ANKFN1: variants seen among roughly 807,000 people sequenced by gnomAD.
The protein encoded by ANKFN1 is ankyrin repeat and fibronectin type III domain containing 1, also known as ankyrin repeat and fibronectin type-III domain-containing protein 1.
Under a neutral mutation model 108.7 loss-of-function variants are expected in ANKFN1, and 74 were observed. That is an observed-to-expected ratio of 0.68 (90% CI 0.56 to 0.83). The LOEUF (loss-of-function observed/expected upper bound fraction) is 0.83, where lower values mean the gene tolerates loss of function less well. ANKFN1 is among the 40% of genes least tolerant of loss of function. ANKFN1 has a pLI of 0.00. For synonymous variants in ANKFN1, 547 were observed against 516.2 expected, an observed-to-expected ratio of 1.06 and a Z score of -0.81; for missense variants, 1,505 against 1,382.3, an observed-to-expected ratio of 1.09 and a Z score of -1.41.
At chr17:56,290,297 T>C (rs2044325776) in intron 3 of ANKFN1, among the ~76,000 whole-genome samples, 1 of 152,194 alleles carries the variant, frequency 6.6e-6, no homozygotes, top group South Asian at 2.1e-4. Flanking sequence ...CCCAGCAATT[T>C]AAACAGGAAC....
chr17:56,227,029 G>A (rs1418047195), intron 2 of ANKFN1, among the ~76,000 whole-genome samples: 5 of 152,104 alleles, frequency 3.3e-5, no homozygotes, highest in Non-Finnish European at 7.4e-5. Flanking sequence ...CCAGATCAGT[G>A]TGGGTGGTGT....
chr17:56,412,529 G>C (rs2048122005), intron 8 of ANKFN1, among the ~76,000 whole-genome samples: 1 of 152,192 alleles, frequency 6.6e-6, no homozygotes, highest in African/African-American at 2.4e-5. Flanking sequence ...AGCATGGCTA[G>C]GATAAAAGCA....
At chr17:56,355,852 A>G (rs143691355) in intron 6 of ANKFN1, among the ~76,000 whole-genome samples, 323 of 152,246 alleles carry the variant, frequency 2.1e-3, no homozygotes, top group East Asian at 0.014. Flanking sequence ...GGTTTTTAAC[A>G]TATGCACAGA....
chr17:56,431,381 T>A (rs2048749103), intron 8 of ANKFN1, among the ~76,000 whole-genome samples: 1 of 152,174 alleles, frequency 6.6e-6, no homozygotes, highest in East Asian at 1.9e-4. Flanking sequence ...TTAAATGGTT[T>A]CTCCTCCCTG....
chr17:56,295,619 T>G (rs529239104), intron 3 of ANKFN1, among the ~76,000 whole-genome samples: 83 of 152,272 alleles, frequency 5.5e-4, no homozygotes, highest in African/African-American at 2.0e-3. Flanking sequence ...GTGGGCGGTG[T>G]GTGTGTGTGT....
rs546552580 is a variant in ANKFN1, at chr17:56,364,552, T to C, written c.602-8094T>C. Among the ~76,000 whole-genome samples, 27 of 152,356 alleles carry C rather than the reference T, an allele frequency of 1.8e-4. No individual in the cohort carries two copies. In the South Asian group the frequency reaches 4.8e-3, roughly 27 times the overall value. ...GTTATCTTGTTTCATTACTTAAACCTCTTATGATGCCATGGGGCAATTTCC... is the reference window on the plus strand; with the variant it reads ...GTTATCTTGTTTCATTACTTAAACCCCTTATGATGCCATGGGGCAATTTCC... On this transcript the variant is annotated intron_variant, in intron 6 of 20. Transcript: ENST00000682825.
intron 8 of ANKFN1, among the ~76,000 whole-genome samples, chr17:56,411,334 G>T (rs1175104091): frequency 1.3e-5 from 2 of 151,988 alleles, no homozygotes; most frequent in African/African-American, 4.8e-5. Context: ...TTTTAAATTT[G>T]ATTTTGTAAC....
At chr17:56,218,853 A>G (rs1057032779) in intron 2 of ANKFN1, among the ~76,000 whole-genome samples, 1 of 152,238 alleles carries the variant, frequency 6.6e-6, no homozygotes, top group Non-Finnish European at 1.5e-5. Flanking sequence ...AATGTTTCCC[A>G]AACTTACTTG....
chr17:56,414,571 G>A (rs2048185460), intron 8 of ANKFN1, among the ~76,000 whole-genome samples: 1 of 152,058 alleles, frequency 6.6e-6, no homozygotes. Context: ...TTTATCCCAG[G>A]GATGTGGAGA....
intron 2 of ANKFN1, among the ~76,000 whole-genome samples, chr17:56,217,774 A>G (rs1389193419): frequency 2.0e-5 from 3 of 152,162 alleles, no homozygotes; most frequent in African/African-American, 7.2e-5. Context: ...TTTTCAGCAT[A>G]CTATGTTTAA....
chr17:56,435,827 G>A (rs2048913515), intron 8 of ANKFN1, among the ~76,000 whole-genome samples: 3 of 151,948 alleles, frequency 2.0e-5, no homozygotes, highest in African/African-American at 7.3e-5. Context: ...CATTAGCATA[G>A]TTTCACCTCT....
chr17:56,491,967 C>T (rs2051053653), intron 18 of ANKFN1, among the ~76,000 whole-genome samples: 1 of 152,142 alleles, frequency 6.6e-6, no homozygotes, highest in Non-Finnish European at 1.5e-5. Context: ...CTTCCCCATA[C>T]CTTACTAGGA....
At chr17:56,467,246 A>G (rs2050106983) in intron 15 of ANKFN1, among the ~76,000 whole-genome samples, 1 of 151,894 alleles carries the variant, frequency 6.6e-6, no homozygotes, top group Non-Finnish European at 1.5e-5. Context: ...AATTGTATAT[A>G]TATGTGTGCA....
At chr17:56,397,253 C>T (rs2047615017) in intron 8 of ANKFN1, among the ~76,000 whole-genome samples, 1 of 152,154 alleles carries the variant, frequency 6.6e-6, no homozygotes. Flanking sequence ...GCAGGCTAAA[C>T]AGGATGGGCT....
chr17:56,064,045 T>C (rs1380815158), intron 4 of ANKFN1, among the ~76,000 whole-genome samples: 5 of 152,132 alleles, frequency 3.3e-5, no homozygotes. Flanking sequence ...TCAGGCCCTA[T>C]TCATCTGGTT....
intron 1 of ANKFN1, among the ~76,000 whole-genome samples, chr17:56,177,761 G>A (rs1239894842): frequency 6.6e-6 from 1 of 152,124 alleles, no homozygotes; most frequent in Non-Finnish European, 1.5e-5. Context: ...AACTGCCTAA[G>A]CTCCTAATTT....
Position 56,185,745 on chromosome 17 carries a change from A to G in ANKFN1, c.-70-26853A>G, listed in dbSNP as rs567656028. On this transcript the variant is annotated intron_variant, in intron 1 of 20. Coordinates refer to ENST00000682825, the MANE Select transcript of ANKFN1 (RefSeq NM_001370326.1). ...TGCAGACTATTAAGTCGTTTGGGAAATGTGGACTTGTACCAATCTACGAGA... is the reference window on the plus strand; with the variant it reads ...TGCAGACTATTAAGTCGTTTGGGAAGTGTGGACTTGTACCAATCTACGAGA... 2.3e-4 allele frequency among the ~76,000 whole-genome samples: 35 copies of G among 152,314 alleles called. No individual in the cohort carries two copies. In the South Asian group the frequency reaches 7.2e-3, roughly 32 times the overall value.
intron 3 of ANKFN1, among the ~76,000 whole-genome samples, chr17:56,312,678 T>G (rs1265287976): frequency 1.3e-5 from 2 of 152,168 alleles, no homozygotes; most frequent in African/African-American, 4.8e-5. Context: ...CTGCATCTGA[T>G]TTTGTCGTTC....
At chr17:56,066,982 G>A (rs1905066030) in intron 4 of ANKFN1, among the ~76,000 whole-genome samples, 1 of 152,168 alleles carries the variant, frequency 6.6e-6, no homozygotes, top group African/African-American at 2.4e-5. Context: ...CCTGAGGTCA[G>A]GAGATCAAGA....
Sources: allele counts gnomAD v4.1 joint callset (sites outside exome capture counted in the v4.1 genomes callset), GRCh38; gene constraint gnomAD v4.1.1; transcripts MANE v1.5; gene names NCBI Gene and HGNC (gene_info 2026-07-23, HGNC 2026-07-21).